Variants in NOS2 observed in about 807,000 individuals in gnomAD.
NOS2 encodes nitric oxide synthase 2.
A neutral mutation model predicts 136.0 loss-of-function variants in NOS2; 96 were observed. That is an observed-to-expected ratio of 0.71 (90% confidence interval 0.60 to 0.84). The LOEUF (loss-of-function observed/expected upper bound fraction) is 0.84. NOS2 is among the 40% of genes least tolerant of loss of function. The pLI is 0.00. For synonymous variants in NOS2, 539 were observed against 587.5 expected (o/e 0.92, Z 1.20); for missense variants, 1,237 against 1,496.9 (o/e 0.83, Z 2.87).
rs1909036160 is a variant in NOS2, at chr17:27,786,750, G to T, written c.467+928C>A. ...CACCATTTTCGGTAAGAAAATCAAGGCATAGAGAGACAAAGTAACTTGCCC... is the reference window on the plus strand; with the variant it reads ...CACCATTTTCGGTAAGAAAATCAAGTCATAGAGAGACAAAGTAACTTGCCC... On this transcript the variant is annotated intron_variant, in intron 5 of 26. Coordinates refer to ENST00000313735, the MANE Select transcript of NOS2 (RefSeq NM_000625.4). 1.3e-5 allele frequency among the ~76,000 whole-genome samples: 2 copies of T among 152,090 alleles called. 1 individual carries two copies. Among genetic ancestry groups the T allele is most frequent in the Admixed American group, 1.3e-4 (2 of 15,276 alleles).
rs1024813321 is a variant in NOS2, at chr17:27,767,968, C to T, written c.2035-131G>A. 4.4e-6 allele frequency: 5 copies of T among 1,136,582 alleles called. No individual in the cohort carries two copies. In the African/African-American group the frequency reaches 6.1e-5, roughly 14 times the overall value. The allele number at this position is 1,136,582 out of a possible 1,614,324, so 70.4% of individuals were successfully genotyped here. A position where few individuals can be genotyped will look rare whatever the true frequency, so the allele number is the denominator to read the frequency against. ...GTGTGTTTCGTGTAACTTCGAAGCA[C>T]ACTTACCTGATAGGGTGACAGCAAG... On this transcript the variant is annotated intron_variant, in intron 17 of 26. Coordinates refer to ENST00000313735, the MANE Select transcript of NOS2 (RefSeq NM_000625.4).
chr17:27,787,878 C>A, intron 4 of NOS2, 52 bp from the exon 5 acceptor site: 1 of 1,557,128 alleles, frequency 6.4e-7, no homozygotes, highest in Non-Finnish European at 8.7e-7. Context: ...CTCTTGCCAC[C>A]CTCCTCTGGG....
In NOS2 at chr17:27,781,148, C is replaced by T; in HGVS notation, c.752G>A (p.Ser251Asn). 1 of 1,611,022 alleles carries T rather than the reference C, an allele frequency of 6.2e-7. No individual in the cohort carries two copies. Among genetic ancestry groups the T allele is most frequent in the South Asian group, 1.1e-5 (1 of 91,078 alleles). ...CACCCGGAAGTCGTGCTTGCCATCA[C>T]TCCGCTGGGGGAACACGGTGATGGC... ...RSAITVFPQR[S>N]DGKHDFRVWN... Residue 251 changes from serine to asparagine, a missense_variant, in exon 8 of 27, where the codon AGT (serine) becomes AAT (asparagine). Physicochemically the swap from Ser to Asn is conservative, Grantham distance 46 (BLOSUM62 1). Transcript: ENST00000313735.
At chr17:27,777,819 C>T (rs570077639) in intron 11 of NOS2, among the ~76,000 whole-genome samples, 14 of 152,136 alleles carry the variant, frequency 9.2e-5, no homozygotes, top group Non-Finnish European at 1.9e-4. Flanking sequence ...CTGAGGCAAG[C>T]GGATCACTTG....
intron 2 of NOS2, among the ~76,000 whole-genome samples, chr17:27,793,072 C>G (rs1265063382): frequency 2.0e-5 from 3 of 151,762 alleles, no homozygotes; most frequent in Non-Finnish European, 4.4e-5. Flanking sequence ...CCAGCCGAGC[C>G]GGTCACAGCT....
At chr17:27,779,139 G>C (rs1395570405) in intron 9 of NOS2, 83 bp from the exon 10 acceptor site, 4 of 1,079,440 alleles carry the variant, frequency 3.7e-6, no homozygotes, top group Non-Finnish European at 4.9e-6. Context: ...ACTTGGTCTT[G>C]CTCTGTTGCT....
At chr17:27,788,644 T>C (rs945381531) in intron 4 of NOS2, among the ~76,000 whole-genome samples, 165 bp downstream of exon 4, 1 of 152,220 alleles carries the variant, frequency 6.6e-6, no homozygotes, top group Non-Finnish European at 1.5e-5. Context: ...GTTGGCATCA[T>C]TTACTTCCTA....
intron 2 of NOS2, among the ~76,000 whole-genome samples, chr17:27,789,929 A>T (rs1446395425): frequency 6.6e-6 from 1 of 152,196 alleles, no homozygotes; most frequent in Non-Finnish European, 1.5e-5. Flanking sequence ...CTACTGGCCC[A>T]AACAGCAGCC....
chr17:27,789,899 T>C (rs1325485274), intron 2 of NOS2, among the ~76,000 whole-genome samples: 1 of 152,216 alleles, frequency 6.6e-6, no homozygotes, highest in Non-Finnish European at 1.5e-5. Context: ...CAAAAGGGCA[T>C]GAGCAGAGCT....
intron 18 of NOS2, among the ~76,000 whole-genome samples, 181 bp from the exon 19 acceptor site, chr17:27,766,769 G>A (rs975953497): frequency 2.6e-5 from 4 of 152,082 alleles, no homozygotes; most frequent in Non-Finnish European, 4.4e-5. Flanking sequence ...GGTCCAGGCC[G>A]GGCATGGTGG....
rs200332233 is a variant in NOS2, at chr17:27,782,046, C to T, written c.691G>A (p.Val231Met). 2.0e-5 allele frequency: 32 copies of T among 1,614,026 alleles called. No individual in the cohort carries two copies. The African/African-American group carries it at 2.3e-4, about 11-fold the overall frequency. Reference protein sequence around the residue: ...REMFEHICRHVRYSTNNGNIR... With the variant: ...REMFEHICRHMRYSTNNGNIR... ...TTGCCATTGTTGGTGGAGTAACGCA[C>T]GTGTCTGCAGATGTGTTCAAACATT... The change falls in exon 7 of 27, where the codon GTG (valine) becomes ATG (methionine). Residue 231 changes from valine (V) to methionine (M), a missense_variant. Transcript: ENST00000313735.
intron 9 of NOS2, 89 bp from the exon 10 acceptor site, chr17:27,779,145 T>C (rs1908759753): frequency 9.6e-7 from 1 of 1,045,688 alleles, no homozygotes; most frequent in Non-Finnish European, 1.3e-6. Context: ...TCTTGCTCTG[T>C]TGCTCATGCT....
At chr17:27,758,118 T>C (rs551190939) in intron 26 of NOS2, among the ~76,000 whole-genome samples, 1 of 152,332 alleles carries the variant, frequency 6.6e-6, no homozygotes, top group South Asian at 2.1e-4. Context: ...CCCAGTAGAA[T>C]GTAAAGAATT....
intron 18 of NOS2, among the ~76,000 whole-genome samples, 165 bp downstream of exon 18, chr17:27,767,540 T>G (rs1201213756): frequency 6.6e-6 from 1 of 152,214 alleles, no homozygotes; most frequent in Non-Finnish European, 1.5e-5. Context: ...ACAGCCTCCC[T>G]CAGCACCTTG....
chr17:27,787,235 T>C (rs1224990828), intron 5 of NOS2, among the ~76,000 whole-genome samples: 1 of 152,108 alleles, frequency 6.6e-6, no homozygotes, highest in East Asian at 1.9e-4. Context: ...GTCTCAAACA[T>C]TTCATAATTA....
At chr17:27,785,242 G>C (rs1299047718) in intron 5 of NOS2, among the ~76,000 whole-genome samples, 1 of 152,166 alleles carries the variant, frequency 6.6e-6, no homozygotes, top group African/African-American at 2.4e-5. Flanking sequence ...ATCTCATAGT[G>C]TCATGGTGCA....
At chr17:27,760,897 C>T (rs1192369666) in intron 23 of NOS2, among the ~76,000 whole-genome samples, 153 bp from the exon 24 acceptor site, 5 of 152,182 alleles carry the variant, frequency 3.3e-5, no homozygotes, top group Non-Finnish European at 1.5e-5. Flanking sequence ...CTGCAGGCTG[C>T]TTCACTTCTG....
At chr17:27,796,606 A>G (rs1425498232) in intron 2 of NOS2, among the ~76,000 whole-genome samples, 1 of 152,144 alleles carries the variant, frequency 6.6e-6, no homozygotes, top group African/African-American at 2.4e-5. Context: ...CCATTTGGGT[A>G]GGGTGCTCGC....
At chr17:27,769,752 C>G (rs1282773267) in intron 15 of NOS2, among the ~76,000 whole-genome samples, 168 bp from the exon 16 acceptor site, 1 of 152,222 alleles carries the variant, frequency 6.6e-6, no homozygotes, top group Non-Finnish European at 1.5e-5. Flanking sequence ...TGTCAGCTGA[C>G]AAGTTTAGCT....
Sources: allele counts gnomAD v4.1 joint callset (sites outside exome capture counted in the v4.1 genomes callset), GRCh38; gene constraint gnomAD v4.1.1; transcripts MANE v1.5; gene names NCBI Gene and HGNC (gene_info 2026-07-23, HGNC 2026-07-21).